Variants in NMNAT2 observed in about 807,000 individuals in gnomAD.
NMNAT2 encodes nicotinamide nucleotide adenylyltransferase 2.
A neutral mutation model predicts 41.6 loss-of-function variants in NMNAT2; 11 were observed. That is an observed-to-expected ratio of 0.26 (90% CI 0.17 to 0.44). The LOEUF (loss-of-function observed/expected upper bound fraction) is 0.44. Ranked by LOEUF, NMNAT2 falls within the 20% of genes least tolerant of loss-of-function variation. The probability of loss-of-function intolerance (pLI) is 1.00; values close to 1 mark genes in which losing one functional copy is unlikely to be tolerated. For missense variants in NMNAT2, 288 were observed against 407.7 expected (o/e 0.71, Z 2.53); for synonymous variants, 148 against 151.2 (o/e 0.98, Z 0.16).
At chr1:183,385,481 A>G (rs1251009075) in intron 1 of NMNAT2, among the ~76,000 whole-genome samples, 2 of 152,162 alleles carry the variant, frequency 1.3e-5, no homozygotes, top group Non-Finnish European at 2.9e-5. Context: ...ATAAAACAAA[A>G]CCAAAGCAGA....
rs142558561 is a variant in NMNAT2, at chr1:183,356,643, T to C, written c.85+61540A>G. ...CAGGGACAAGATCAGCTGGGTAAAC[T>C]ATGGGCCTGAGCCAATTTGTTATGC... On this transcript the variant is annotated intron_variant, in intron 1 of 10. Transcript: ENST00000287713. Among the ~76,000 whole-genome samples the C allele has an allele frequency of 3.4e-3, 515 of 152,352 alleles. 4 individuals are homozygous for C. Among genetic ancestry groups the C allele is most frequent in the African/African-American group, 0.012 (494 of 41,576 alleles).
intron 1 of NMNAT2, among the ~76,000 whole-genome samples, chr1:183,315,863 A>T (rs998177556): frequency 2.0e-5 from 3 of 152,034 alleles, no homozygotes; most frequent in Non-Finnish European, 4.4e-5. Context: ...GTGTATATCT[A>T]TGTAATAAAC....
chr1:183,253,904 CGTGTGTGTGTGTGTGTGT>C (rs139756017), intron 10 of NMNAT2, among the ~76,000 whole-genome samples: 16 of 144,374 alleles, frequency 1.1e-4, no homozygotes, highest in Admixed American at 6.2e-4. Context: ...GTTCCACTTC[CGTGTGTGTGTGTGTGTGT>C]GTGTGTGTGT....
At chr1:183,324,335 T>TGAGAAC in intron 1 of NMNAT2, among the ~76,000 whole-genome samples, 1 of 152,202 alleles carries the variant, frequency 6.6e-6, no homozygotes, top group Non-Finnish European at 1.5e-5. Flanking sequence ...GCTTCTTGCA[T>TGAGAAC]TGACAAGGCG....
At chr1:183,288,319 C>G (rs529670846) in intron 4 of NMNAT2, among the ~76,000 whole-genome samples, 8 of 152,332 alleles carry the variant, frequency 5.3e-5, no homozygotes, top group African/African-American at 1.9e-4. Flanking sequence ...GCATCTATCT[C>G]TGCGGCAGGT....
chr1:183,354,409 CTTTTT>C (rs67663742), intron 1 of NMNAT2, among the ~76,000 whole-genome samples: 1 of 89,654 alleles, frequency 1.1e-5, no homozygotes. Context: ...TCTTTAATGT[CTTTTT>C]TTTTTTTTTT....
intron 1 of NMNAT2, among the ~76,000 whole-genome samples, chr1:183,370,973 C>T (rs1159070308): frequency 1.3e-5 from 2 of 152,122 alleles, no homozygotes; most frequent in African/African-American, 4.8e-5. Flanking sequence ...TGAGTAAATG[C>T]ATGGTGCCTG....
intron 1 of NMNAT2, among the ~76,000 whole-genome samples, chr1:183,373,825 C>T (rs1392005308): frequency 6.6e-6 from 1 of 152,018 alleles, no homozygotes; most frequent in Non-Finnish European, 1.5e-5. Flanking sequence ...ACCATGTTGG[C>T]CAAGCTGGTC....
intron 1 of NMNAT2, among the ~76,000 whole-genome samples, chr1:183,349,459 A>G (rs970388637): frequency 2.6e-5 from 4 of 152,254 alleles, no homozygotes; most frequent in African/African-American, 9.6e-5. Context: ...AAATGAAAAG[A>G]CTTTAAAAGC....
At position 183,249,216 on chromosome 1, in the gene NMNAT2, A is replaced by G. The variant is rs1660308495; in HGVS notation, c.*3425T>C. 1 of 152,176 alleles carries G rather than the reference A, an allele frequency of 6.6e-6. No homozygotes were observed. The highest frequency in any genetic ancestry group is 2.4e-5 in the African/African-American group (1 of 41,416). 9.4% of individuals were successfully genotyped at this position (152,176 alleles called of 1,614,324 possible). A position where few individuals can be genotyped will look rare whatever the true frequency, so the allele number is the denominator to read the frequency against. ...CCTTGTTCCTATGTACATTCAAGGA[A>G]AATGAAAGCAAGAAGGCTCTAGAGG... On this transcript the variant is annotated 3_prime_UTR_variant, in exon 11 of 11. Coordinates refer to ENST00000287713, the MANE Select transcript of NMNAT2 (RefSeq NM_015039.4).
At chr1:183,259,709 C>G (rs1337484764) in intron 10 of NMNAT2, among the ~76,000 whole-genome samples, 1 of 152,128 alleles carries the variant, frequency 6.6e-6, no homozygotes, top group African/African-American at 2.4e-5. Context: ...AAGCAATTCT[C>G]CTGCCTCAGT....
At chr1:183,392,358 T>A (rs1648508835) in intron 1 of NMNAT2, among the ~76,000 whole-genome samples, 1 of 152,176 alleles carries the variant, frequency 6.6e-6, no homozygotes. Context: ...ACCCTATCAC[T>A]TTTACCCTCT....
intron 1 of NMNAT2, among the ~76,000 whole-genome samples, chr1:183,320,469 G>A (rs1264997171): frequency 6.6e-6 from 1 of 152,148 alleles, no homozygotes; most frequent in Non-Finnish European, 1.5e-5. Context: ...AGCCAGGTGT[G>A]GTGGCGGGTG....
At chr1:183,332,434 A>G (rs72731427) in intron 1 of NMNAT2, among the ~76,000 whole-genome samples, 118 of 152,358 alleles carry the variant, frequency 7.7e-4, no homozygotes, top group Admixed American at 1.8e-3. Context: ...ATCATTGTGA[A>G]TACTCAGGTT....
intron 1 of NMNAT2, among the ~76,000 whole-genome samples, chr1:183,376,262 G>A (rs1032168145): frequency 2.6e-5 from 4 of 152,168 alleles, no homozygotes; most frequent in African/African-American, 9.7e-5. Context: ...GGTCACATTT[G>A]AGGGTAAAAT....
chr1:183,328,741 C>T (rs1557879672), intron 1 of NMNAT2, among the ~76,000 whole-genome samples: 1 of 152,242 alleles, frequency 6.6e-6, no homozygotes. Context: ...ATGTCTGCCG[C>T]AATCTACAGA....
intron 3 of NMNAT2, among the ~76,000 whole-genome samples, chr1:183,291,001 C>A (rs950484912): frequency 1.8e-4 from 27 of 152,296 alleles, no homozygotes; most frequent in African/African-American, 6.5e-4. Flanking sequence ...ACTGCAACCT[C>A]CATCTCCTGG....
At chr1:183,277,874 T>C (rs1661161823) in intron 8 of NMNAT2, among the ~76,000 whole-genome samples, 1 of 152,128 alleles carries the variant, frequency 6.6e-6, no homozygotes. Context: ...GCCTTGGGAA[T>C]TCAATGTGCA....
At chr1:183,393,375 G>T (rs753896680) in intron 1 of NMNAT2, among the ~76,000 whole-genome samples, 1 of 152,084 alleles carries the variant, frequency 6.6e-6, no homozygotes, top group Non-Finnish European at 1.5e-5. Flanking sequence ...TAAACGCCCA[G>T]CTTCAAGGTC....
Sources: gnomAD v4.1 joint callset for allele counts (sites outside exome capture counted in the v4.1 genomes callset) on GRCh38, gnomAD v4.1.1 for gene constraint, MANE v1.5 for transcripts, NCBI Gene and HGNC (gene_info 2026-07-23, HGNC 2026-07-21) for gene names.